The following PLEKHA6 variants were observed in gnomAD, a reference collection of about 807,000 sequenced individuals.
PLEKHA6 encodes pleckstrin homology domain-containing family A member 6.
In PLEKHA6, 60 loss-of-function variants were observed where a neutral mutation model predicts 116.7. That is an observed-to-expected ratio of 0.51 (90% CI 0.42 to 0.64). The LOEUF (loss-of-function observed/expected upper bound fraction) is 0.64. Ranked by LOEUF, PLEKHA6 falls within the 30% of genes least tolerant of loss-of-function variation. PLEKHA6 has a pLI of 0.00. For missense variants in PLEKHA6, 1,338 were observed against 1,422.7 expected (o/e 0.94, Z 0.96); for synonymous variants, 489 against 556.1 (o/e 0.88, Z 1.70).
chr1:204,283,159 G>A (rs1197863605), intron 1 of PLEKHA6, among the ~76,000 whole-genome samples: 1 of 152,114 alleles, frequency 6.6e-6, no homozygotes, highest in African/African-American at 2.4e-5. Context: ...TCTGCTTCTG[G>A]TGTCCTACGG....
At chr1:204,231,910 T>C (rs1661235895) in intron 17 of PLEKHA6, among the ~76,000 whole-genome samples, 2 of 152,162 alleles carry the variant, frequency 1.3e-5, no homozygotes. Flanking sequence ...TTTTGTTTTT[T>C]AGTATTTTTC....
At chr1:204,351,447 C>A (rs1318055602) in intron 1 of PLEKHA6, among the ~76,000 whole-genome samples, 1 of 152,180 alleles carries the variant, frequency 6.6e-6, no homozygotes, top group Non-Finnish European at 1.5e-5. Flanking sequence ...TCAGCCTAAC[C>A]CCAGGCCCTC....
At chr1:204,248,018 A>G (rs4951054) in intron 12 of PLEKHA6, among the ~76,000 whole-genome samples, 101,875 of 151,618 alleles carry the variant, frequency 0.67, 34,356 homozygotes, top group East Asian at 0.82. Flanking sequence ...TTTATTATTC[A>G]GAGGTTAGAG....
intron 1 of PLEKHA6, among the ~76,000 whole-genome samples, chr1:204,292,915 G>C (rs1034419657): frequency 1.4e-5 from 2 of 141,860 alleles, no homozygotes; most frequent in African/African-American, 5.3e-5. Flanking sequence ...GTTAGTGTTA[G>C]AGAGCTCCCG....
chr1:204,250,310 G>A (rs532280080), intron 10 of PLEKHA6, among the ~76,000 whole-genome samples: 4 of 152,352 alleles, frequency 2.6e-5, no homozygotes, highest in East Asian at 3.9e-4. Flanking sequence ...CAGCATGGGA[G>A]GGAAGGGTGA....
rs900324573 is a variant in PLEKHA6 at position 204,238,748 on chromosome 1, G to A, written c.2409+2627C>T. Among the ~76,000 whole-genome samples the A allele has an allele frequency of 2.0e-5, 3 of 152,160 alleles. No individual in the cohort carries two copies. The highest frequency in any genetic ancestry group is 6.5e-5 in the Admixed American group (1 of 15,280). On this transcript the variant is annotated intron_variant, in intron 17 of 22. Coordinates refer to ENST00000272203, the MANE Select transcript of PLEKHA6 (RefSeq NM_014935.5). The surrounding 1 kb of genome is among the most constrained non-coding windows in gnomAD (Gnocchi z 4.2). ...CAGAGGAAGAGAAGACTGAGGCCTGGTTCACAGATGGTTCTGCAAGATATG... is the reference window on the plus strand; with the variant it reads ...CAGAGGAAGAGAAGACTGAGGCCTGATTCACAGATGGTTCTGCAAGATATG...
intron 1 of PLEKHA6, among the ~76,000 whole-genome samples, chr1:204,285,971 C>T (rs1669129209): frequency 6.6e-6 from 1 of 152,024 alleles, no homozygotes; most frequent in South Asian, 2.1e-4. Flanking sequence ...GCCATTTGGT[C>T]CAGAGCAGGA....
chr1:204,231,788 GT>G (rs1368639619), intron 17 of PLEKHA6, among the ~76,000 whole-genome samples: 3 of 152,096 alleles, frequency 2.0e-5, no homozygotes, highest in Admixed American at 2.0e-4. Flanking sequence ...TGCTCAAGCT[GT>G]TTTTGAACCC....
In PLEKHA6 at chr1:204,264,959, G is replaced by T; in HGVS notation, c.364C>A (p.Arg122=). Residue 122 remains arginine, a synonymous_variant, in exon 6 of 23, where the codon CGG becomes AGG. Coordinates refer to ENST00000272203, the MANE Select transcript of PLEKHA6 (RefSeq NM_014935.5). The part of the protein sequence containing the change: ...AAVQPSDNIS[R]KHTFKAEHAG... The stretch of plus-strand genomic sequence containing the variant: ...CAACTGACCTTAAACGTGTGTTTCC[G>T]GCTGATGTTGTCTGAGGGCTGCACT... The T allele has an allele frequency of 6.2e-7, 1 of 1,613,488 alleles. No homozygotes were observed. Among genetic ancestry groups the T allele is most frequent in the Non-Finnish European group, 8.5e-7 (1 of 1,179,520 alleles).
chr1:204,378,083 G>C (rs1401007459), upstream of PLEKHA6: 1 of 152,354 alleles, frequency 6.6e-6, no homozygotes, highest in African/African-American at 2.4e-5. Context: ...CCTCCAGCCT[G>C]GCGGAGCCCG....
At chr1:204,302,488 G>C (rs1020114710) in intron 1 of PLEKHA6, among the ~76,000 whole-genome samples, 11 of 152,364 alleles carry the variant, frequency 7.2e-5, no homozygotes, top group Admixed American at 5.2e-4. Flanking sequence ...CCCTAATGCT[G>C]TGTCCCAAAC....
intron 1 of PLEKHA6, chr1:204,301,299 G>GAGTC: frequency 1.0e-6 from 1 of 961,698 alleles, no homozygotes; most frequent in Non-Finnish European, 1.2e-6. Context: ...CCAGTCTGGA[G>GAGTC]AGTCTCTGGG....
chr1:204,350,796 C>T (rs1033776932), intron 1 of PLEKHA6, among the ~76,000 whole-genome samples: 22 of 152,192 alleles, frequency 1.4e-4, no homozygotes, highest in Admixed American at 1.4e-3. Flanking sequence ...GTCAAATCCC[C>T]TAAACGTCCC....
At chr1:204,331,805 C>T (rs1000125855) in intron 1 of PLEKHA6, among the ~76,000 whole-genome samples, 5 of 152,084 alleles carry the variant, frequency 3.3e-5, no homozygotes, top group East Asian at 1.9e-4. Flanking sequence ...ACTGAGTCAA[C>T]GGTCAGCCGG....
At chr1:204,370,533 T>C (rs569048562) in intron 2 of PLEKHA6, among the ~76,000 whole-genome samples, 7 of 152,266 alleles carry the variant, frequency 4.6e-5, no homozygotes, top group Non-Finnish European at 1.0e-4. Flanking sequence ...TTGTGATTCT[T>C]GATGTCTCTA....
At chr1:204,292,654 G>A (rs1669890425) in intron 1 of PLEKHA6, among the ~76,000 whole-genome samples, 1 of 152,192 alleles carries the variant, frequency 6.6e-6, no homozygotes, top group Non-Finnish European at 1.5e-5. Context: ...GGTCTTTGTG[G>A]TGCTCACCCA....
At chr1:204,280,965 T>C (rs1480340539) in intron 1 of PLEKHA6, 1 of 976,632 alleles carries the variant, frequency 1.0e-6, no homozygotes, top group Non-Finnish European at 1.2e-6. Flanking sequence ...AAAGAAGAGG[T>C]CAAAGAGGGT....
chr1:204,299,371 G>T (rs1477961779), intron 1 of PLEKHA6, among the ~76,000 whole-genome samples: 2 of 152,158 alleles, frequency 1.3e-5, no homozygotes, highest in Non-Finnish European at 2.9e-5. Context: ...GAAAGAGGAG[G>T]GTCAGAGAAA....
intron 1 of PLEKHA6, among the ~76,000 whole-genome samples, chr1:204,357,391 G>C (rs1330031264): frequency 2.6e-5 from 4 of 152,202 alleles, no homozygotes; most frequent in Admixed American, 6.5e-5. Flanking sequence ...ATGGTCAAGG[G>C]AAGGCTTCCA....
Sources: allele counts gnomAD v4.1 joint callset (sites outside exome capture counted in the v4.1 genomes callset), GRCh38; gene constraint gnomAD v4.1.1; non-coding constraint Gnocchi (gnomAD v3.1); transcripts MANE v1.5; gene names NCBI Gene and HGNC (gene_info 2026-07-23, HGNC 2026-07-21).